MAP3K20: variants seen among roughly 807,000 people sequenced by gnomAD.
MAP3K20 encodes the protein HCCS-4.
MAP3K20 carries 40 observed loss-of-function variants against 85.7 expected under a neutral mutation model. The observed-to-expected ratio is 0.47, with a 90% CI of 0.36 to 0.61. The LOEUF (loss-of-function observed/expected upper bound fraction) is 0.61. MAP3K20 is among the 20% of genes least tolerant of loss of function. The probability of loss-of-function intolerance (pLI) is 0.00; values close to 1 mark genes in which losing one functional copy is unlikely to be tolerated. For missense variants in MAP3K20, 817 were observed against 961.7 expected, an observed-to-expected ratio of 0.85 and a Z score of 1.99; for synonymous variants, 325 against 327.7, an observed-to-expected ratio of 0.99 and a Z score of 0.09.
intron 16 of MAP3K20, among the ~76,000 whole-genome samples, chr2:173,243,594 A>G (rs1684843128): frequency 6.6e-6 from 1 of 152,144 alleles, no homozygotes; most frequent in African/African-American, 2.4e-5. Flanking sequence ...TTTTAAGAAG[A>G]GAGCAGATAG....
chr2:173,114,347 G>A (rs950845252), intron 2 of MAP3K20, among the ~76,000 whole-genome samples: 1 of 152,166 alleles, frequency 6.6e-6, no homozygotes, highest in African/African-American at 2.4e-5. Context: ...CTGCAGTTCT[G>A]TGTCTTTTAA....
chr2:173,101,859 AT>A (rs1687647680), intron 2 of MAP3K20, among the ~76,000 whole-genome samples: 1 of 152,014 alleles, frequency 6.6e-6, no homozygotes, highest in Non-Finnish European at 1.5e-5. Flanking sequence ...CATGTTATCA[AT>A]TTTTTTTCAC....
At chr2:173,243,661 A>G (rs1684845794) in intron 16 of MAP3K20, among the ~76,000 whole-genome samples, 1 of 152,224 alleles carries the variant, frequency 6.6e-6, no homozygotes, top group South Asian at 2.1e-4. Flanking sequence ...TCTTTCGCCC[A>G]GGCCAGAGTG....
rs1434037437 is a variant in MAP3K20, at chr2:173,248,616, G to A, written c.1359+9120G>A. 2.6e-5 allele frequency among the ~76,000 whole-genome samples: 4 copies of A among 152,320 alleles called. No homozygotes were observed. In the East Asian group the frequency reaches 7.7e-4, roughly 29 times the overall value. On this transcript the variant is annotated intron_variant, in intron 16 of 19. Coordinates refer to ENST00000375213, the MANE Select transcript of MAP3K20 (RefSeq NM_016653.3). ...GTGCTCAGTGCATACCTGCTGAATG[G>A]ATTGACAGTCCTGCATACAAGCTAG...
At chr2:173,207,206 A>T (rs1294462964) in intron 9 of MAP3K20, among the ~76,000 whole-genome samples, 1 of 152,152 alleles carries the variant, frequency 6.6e-6, no homozygotes, top group Admixed American at 6.5e-5. Context: ...GGAAAAAAAT[A>T]AGTTGGTCTC....
intron 2 of MAP3K20, among the ~76,000 whole-genome samples, chr2:173,118,407 AG>A (rs1465479895): frequency 4.6e-5 from 7 of 152,192 alleles, no homozygotes; most frequent in African/African-American, 1.7e-4. Context: ...AGTTTGTGGT[AG>A]GGGAACAATT....
intron 3 of MAP3K20, among the ~76,000 whole-genome samples, chr2:173,180,972 A>G (rs1690307789): frequency 6.6e-6 from 1 of 152,192 alleles, no homozygotes; most frequent in Non-Finnish European, 1.5e-5. Flanking sequence ...ACTGGGAAAA[A>G]ATATTTGCAA....
chr2:173,137,206 C>T (rs1688821821), intron 2 of MAP3K20, among the ~76,000 whole-genome samples: 1 of 152,186 alleles, frequency 6.6e-6, no homozygotes, highest in African/African-American at 2.4e-5. Context: ...GGTTAAATGT[C>T]ACAATGACTT....
intron 16 of MAP3K20, among the ~76,000 whole-genome samples, chr2:173,242,430 A>G (rs1312528987): frequency 6.6e-6 from 1 of 152,044 alleles, no homozygotes; most frequent in Admixed American, 6.6e-5. Context: ...CGGCCTCCCA[A>G]AGTGCGGGAT....
chr2:173,148,526 G>A (rs1689202642), intron 2 of MAP3K20, among the ~76,000 whole-genome samples: 1 of 152,142 alleles, frequency 6.6e-6, no homozygotes, highest in South Asian at 2.1e-4. Context: ...TATAGAATTG[G>A]CCCTTGAGCA....
intron 5 of MAP3K20, among the ~76,000 whole-genome samples, chr2:173,188,571 C>T (rs1356543722): frequency 1.3e-5 from 2 of 151,132 alleles, no homozygotes; most frequent in African/African-American, 4.9e-5. Flanking sequence ...TACCCTTGCA[C>T]GTGCCTCAGG....
chr2:173,119,844 T>C (rs1325141714), intron 2 of MAP3K20, among the ~76,000 whole-genome samples: 2 of 152,242 alleles, frequency 1.3e-5, no homozygotes, highest in Non-Finnish European at 2.9e-5. Flanking sequence ...GCCTGCTTTA[T>C]TAATTTCTTC....
chr2:173,123,296 A>G (rs890625278), intron 2 of MAP3K20, among the ~76,000 whole-genome samples: 8 of 151,250 alleles, frequency 5.3e-5, no homozygotes, highest in Non-Finnish European at 1.2e-4. Flanking sequence ...TGTGCTGTAT[A>G]TTTCCCAGCA....
chr2:173,176,978 G>T (rs1690178516), intron 3 of MAP3K20, among the ~76,000 whole-genome samples: 1 of 152,068 alleles, frequency 6.6e-6, no homozygotes, highest in Admixed American at 6.6e-5. Context: ...ATGATAAAAG[G>T]ATCAAGACAT....
intron 16 of MAP3K20, among the ~76,000 whole-genome samples, chr2:173,249,977 C>A (rs962505523): frequency 1.4e-4 from 21 of 152,270 alleles, no homozygotes; most frequent in Non-Finnish European, 2.6e-4. Flanking sequence ...AATATAACAA[C>A]CTTATCTCCA....
intron 10 of MAP3K20, chr2:173,212,286 C>T (rs149215202): frequency 1.4e-4 from 22 of 152,112 alleles, no homozygotes; most frequent in East Asian, 1.2e-3. Flanking sequence ...CTCTCCAGCC[C>T]GAGTGTCCAA....
chr2:173,256,470 A>G (rs1685160677), intron 16 of MAP3K20, among the ~76,000 whole-genome samples: 1 of 150,642 alleles, frequency 6.6e-6, no homozygotes, highest in Non-Finnish European at 1.5e-5. Context: ...CTAAAAAAGA[A>G]ATTTAAAAAA....
In MAP3K20 at chr2:173,134,011, C is replaced by A. The variant is rs1017896309; in HGVS notation, c.160-35794C>A. Among the ~76,000 whole-genome samples the A allele has an allele frequency of 5.7e-4, 83 of 146,272 alleles. 2 individuals carry two copies. Among genetic ancestry groups the A allele is most frequent in the Middle Eastern group, 3.6e-3 (1 of 276 alleles). The stretch of plus-strand genomic sequence containing the variant: ...ATCTCAAAAAACAAAAAACAAAAAA[C>A]AAAAACATTCATGCCTGATGTAGCA... On this transcript the variant is annotated intron_variant, in intron 2 of 19. Transcript: ENST00000375213.
At chr2:173,125,418 T>C (rs1253028722) in intron 2 of MAP3K20, among the ~76,000 whole-genome samples, 1 of 152,172 alleles carries the variant, frequency 6.6e-6, no homozygotes, top group East Asian at 1.9e-4. Context: ...TCTCAGATTA[T>C]CCTTAGAGCA....
Sources: allele counts gnomAD v4.1 joint callset (sites outside exome capture counted in the v4.1 genomes callset), GRCh38; gene constraint gnomAD v4.1.1; transcripts MANE v1.5; gene names NCBI Gene and HGNC (gene_info 2026-07-23, HGNC 2026-07-21).